Variants in FARP1 observed in about 807,000 individuals in gnomAD.
FARP1 encodes FERM, ARH/RhoGEF and pleckstrin domain protein 1, also known as FERM, ARHGEF and pleckstrin domain-containing protein 1.
In FARP1, 52 loss-of-function variants were observed where a neutral mutation model predicts 128.8. The ratio of observed to expected loss-of-function variants is 0.40; its 90% CI spans 0.32 to 0.51. The LOEUF is 0.51. Ranked by LOEUF, FARP1 falls within the 20% of genes least tolerant of loss-of-function variation. FARP1 has a pLI of 0.45. For synonymous variants in FARP1, 580 were observed against 551.8 expected, an observed-to-expected ratio of 1.05 and a Z score of -0.72; for missense variants, 1,333 against 1,367.9, an observed-to-expected ratio of 0.97 and a Z score of 0.40.
chr13:98,155,101 C>G (rs1388479661), intron 1 of FARP1, among the ~76,000 whole-genome samples: 1 of 152,178 alleles, frequency 6.6e-6, no homozygotes, highest in Non-Finnish European at 1.5e-5. Context: ...AATCCCAGCA[C>G]TTTGGGAGGC....
chr13:98,349,143 C>T (rs546333191), intron 3 of FARP1, among the ~76,000 whole-genome samples: 11 of 152,256 alleles, frequency 7.2e-5, no homozygotes, highest in South Asian at 4.1e-4. Flanking sequence ...TTTAAACATT[C>T]GCTTTGTCAT....
chr13:98,250,327 C>T (rs1315538055), intron 2 of FARP1, among the ~76,000 whole-genome samples: 5 of 152,108 alleles, frequency 3.3e-5, no homozygotes, highest in Admixed American at 1.3e-4. Context: ...TGGGTTTGTA[C>T]ATGATTTGTT....
intron 3 of FARP1, among the ~76,000 whole-genome samples, chr13:98,350,434 A>G (rs1318386236): frequency 3.3e-5 from 5 of 152,190 alleles, no homozygotes; most frequent in African/African-American, 4.8e-5. Flanking sequence ...CGTTACTGAC[A>G]CTGTGCCTTC....
chr13:98,390,196 C>T (rs1278325063), intron 10 of FARP1, 76 bp downstream of exon 10: 109 of 1,498,764 alleles, frequency 7.3e-5, no homozygotes, highest in Non-Finnish European at 8.3e-5. Flanking sequence ...CTGTGACACA[C>T]AGCAGGTCAG....
chr13:98,310,587 G>A (rs985484766), intron 2 of FARP1, among the ~76,000 whole-genome samples: 4 of 152,148 alleles, frequency 2.6e-5, no homozygotes, highest in African/African-American at 9.7e-5. Flanking sequence ...TGGAGATGGG[G>A]TAGATATCAG....
intron 17 of FARP1, among the ~76,000 whole-genome samples, chr13:98,429,292 G>A (rs1350639125): frequency 6.6e-6 from 1 of 152,226 alleles, no homozygotes; most frequent in African/African-American, 2.4e-5. Flanking sequence ...GTCTCTGGGT[G>A]CGAGAGTGTG....
chr13:98,207,756 G>A (rs1216718744), intron 1 of FARP1, among the ~76,000 whole-genome samples: 1 of 152,084 alleles, frequency 6.6e-6, no homozygotes, highest in Non-Finnish European at 1.5e-5. Flanking sequence ...TTGACTGATG[G>A]CATAGTTTTC....
At chr13:98,386,139 T>A in intron 8 of FARP1, 1 of 191,676 alleles carries the variant, frequency 5.2e-6, no homozygotes, top group Non-Finnish European at 1.1e-5. Context: ...GGTCCCCGAA[T>A]AAACACCTTT....
intron 3 of FARP1, among the ~76,000 whole-genome samples, chr13:98,356,745 T>A (rs1238631565): frequency 6.6e-6 from 1 of 151,984 alleles, no homozygotes; most frequent in South Asian, 2.1e-4. Context: ...TTCCAGTGAT[T>A]CTCCTGCCTC....
At chr13:98,239,856 T>G (rs1412818214) in intron 2 of FARP1, among the ~76,000 whole-genome samples, 1 of 152,116 alleles carries the variant, frequency 6.6e-6, no homozygotes, top group Admixed American at 6.6e-5. Context: ...TGGTCCAGAC[T>G]GTGCTAGAGG....
chr13:98,320,490 T>G (rs1254955197), intron 2 of FARP1, among the ~76,000 whole-genome samples: 1 of 152,200 alleles, frequency 6.6e-6, no homozygotes, highest in Non-Finnish European at 1.5e-5. Context: ...AGGTACTCAC[T>G]TCTCCTTTAA....
At chr13:98,435,340 C>A (rs774287027) in intron 18 of FARP1, 12 of 395,622 alleles carry the variant, frequency 3.0e-5, no homozygotes, top group Non-Finnish European at 4.5e-5. Context: ...CAGCTGTATG[C>A]CACGTCACCA....
In FARP1 at chr13:98,389,932, C is replaced by A. The variant is rs574471205; in HGVS notation, c.856-25C>A. The A allele has an allele frequency of 1.5e-5, 24 of 1,611,490 alleles. No individual in the cohort carries two copies. The South Asian group carries it at 1.7e-4, about 11-fold the overall frequency. Reference sequence around the variant, plus strand: ...GTGTATCTATGGGTAATGGAAAAAACCACCGTTGTATTTTCCCTTTTTAGA... The same window carrying A: ...GTGTATCTATGGGTAATGGAAAAAAACACCGTTGTATTTTCCCTTTTTAGA... On this transcript the variant is annotated intron_variant, in intron 9 of 26. Transcript: ENST00000319562.
intron 2 of FARP1, among the ~76,000 whole-genome samples, chr13:98,332,163 C>G (rs543174731): frequency 6.6e-6 from 1 of 152,066 alleles, no homozygotes; most frequent in Non-Finnish European, 1.5e-5. Flanking sequence ...TCAGCCATCC[C>G]CATGTCTCCA....
chr13:98,392,048 T>A (rs1436225402), intron 11 of FARP1, among the ~76,000 whole-genome samples: 1 of 152,156 alleles, frequency 6.6e-6, no homozygotes, highest in Non-Finnish European at 1.5e-5. Flanking sequence ...TTTCTTCTTT[T>A]ATTTGCAGCT....
intron 13 of FARP1, chr13:98,402,328 A>C (rs1159654919): frequency 6.6e-6 from 1 of 152,512 alleles, no homozygotes; most frequent in East Asian, 1.9e-4. Flanking sequence ...AGTAAAATGC[A>C]TCGGACAGTG....
intron 3 of FARP1, among the ~76,000 whole-genome samples, chr13:98,355,766 T>G (rs1888614305): frequency 2.0e-5 from 3 of 152,162 alleles, no homozygotes; most frequent in Non-Finnish European, 4.4e-5. Flanking sequence ...ATTAATAGGG[T>G]TTTTTTGTGG....
chr13:98,277,931 G>A (rs1884736864), intron 2 of FARP1, among the ~76,000 whole-genome samples: 1 of 152,100 alleles, frequency 6.6e-6, no homozygotes. Context: ...TGCAGCGAGG[G>A]TCAAAATCTG....
chr13:98,185,994 G>A (rs1004980281), intron 1 of FARP1, among the ~76,000 whole-genome samples: 3 of 152,152 alleles, frequency 2.0e-5, no homozygotes, highest in Non-Finnish European at 4.4e-5. Flanking sequence ...CACCGCGTCC[G>A]GCCACATTTA....
Sources: gnomAD v4.1 joint callset for allele counts (sites outside exome capture counted in the v4.1 genomes callset) on GRCh38, gnomAD v4.1.1 for gene constraint, MANE v1.5 for transcripts, NCBI Gene and HGNC (gene_info 2026-07-23, HGNC 2026-07-21) for gene names.